Variants in IGFBP7 observed in about 807,000 individuals in gnomAD.
IGFBP7 encodes the protein insulin-like growth factor-binding protein 7.
IGFBP7 carries 31 observed loss-of-function variants against 29.4 expected under a neutral mutation model. That is an observed-to-expected ratio of 1.05 (90% CI 0.79 to 1.42). IGFBP7 has a LOEUF of 1.42. IGFBP7 is among the 40% of genes most tolerant of loss of function. The pLI is 0.00. For missense variants in IGFBP7, 393 were observed against 395.5 expected, an observed-to-expected ratio of 0.99 and a Z score of 0.05; for synonymous variants, 172 against 174.9, an observed-to-expected ratio of 0.98 and a Z score of 0.13.
At chr4:57,076,195 T>C (rs1725221666) in intron 1 of IGFBP7, among the ~76,000 whole-genome samples, 1 of 152,222 alleles carries the variant, frequency 6.6e-6, no homozygotes. Context: ...TCTCTTCTTA[T>C]AGCACACTAA....
In IGFBP7 at chr4:57,031,043, G is replaced by T. The variant is rs1723904768; in HGVS notation, c.*274C>A. On this transcript the variant is annotated 3_prime_UTR_variant, in exon 5 of 5. Transcript: ENST00000295666. ...AATATCTTGGTGTCTTGTTTCTATTGTGTGGCTTTTTAAAAATGACAAATA... is the reference window on the plus strand; with the variant it reads ...AATATCTTGGTGTCTTGTTTCTATTTTGTGGCTTTTTAAAAATGACAAATA... 9.0e-7 allele frequency: 1 copy of T among 1,115,264 alleles called. No individual in the cohort carries two copies. The highest frequency in any genetic ancestry group is 1.4e-6 in the Non-Finnish European group (1 of 727,770). 69.1% of individuals were successfully genotyped at this position (1,115,264 alleles called of 1,614,324 possible). A position where few individuals can be genotyped will look rare whatever the true frequency, so the allele number is the denominator to read the frequency against.
Position 57,110,119 on chromosome 4 carries a change from C to T in IGFBP7, c.233G>A (p.Arg78Lys), listed in dbSNP as rs866509353. The T allele has an allele frequency of 3.2e-5, 48 of 1,513,090 alleles. No individual in the cohort carries two copies. The highest frequency in any genetic ancestry group is 4.0e-5 in the Non-Finnish European group (45 of 1,137,658). 93.7% of individuals were successfully genotyped at this position (1,513,090 alleles called of 1,614,324 possible). ...CTCCATGCCCGGCGCGCAGTACCCC[C>T]TGCCGGCGCCGCCACCCCCGCACGG... ...GEPCGGGGAGRGYCAPGMECV... is the reference protein window; with the variant it reads ...GEPCGGGGAGKGYCAPGMECV... The change falls in exon 1 of 5, where the codon AGG becomes AAG. Residue 78 changes from arginine (R) to lysine (K), a missense_variant. Transcript: ENST00000295666.
chr4:57,059,102 C>G (rs1444164360), intron 1 of IGFBP7, among the ~76,000 whole-genome samples: 3 of 152,176 alleles, frequency 2.0e-5, no homozygotes, highest in Non-Finnish European at 2.9e-5. Context: ...ACAACAGATG[C>G]TGGCAAGGTT....
chr4:57,032,181 A>AT (rs1199357115), intron 4 of IGFBP7: 6 of 997,728 alleles, frequency 6.0e-6, no homozygotes, highest in Middle Eastern at 3.8e-4. Flanking sequence ...GGCAAGTTTG[A>AT]TTTTGACTCT....
At chr4:57,084,596 G>A (rs567639054) in intron 1 of IGFBP7, among the ~76,000 whole-genome samples, 2 of 152,106 alleles carry the variant, frequency 1.3e-5, no homozygotes, top group African/African-American at 2.4e-5. Context: ...CTCTGAACAC[G>A]TGCAGCAATT....
At chr4:57,046,219 C>T (rs535573693) in intron 1 of IGFBP7, among the ~76,000 whole-genome samples, 1 of 152,144 alleles carries the variant, frequency 6.6e-6, no homozygotes, top group South Asian at 2.1e-4. Flanking sequence ...CTGCACTCTC[C>T]TCCCCGACTC....
chr4:57,067,810 T>C (rs910333086), intron 1 of IGFBP7, among the ~76,000 whole-genome samples: 1 of 152,032 alleles, frequency 6.6e-6, no homozygotes, highest in Admixed American at 6.6e-5. Flanking sequence ...GAGTATTGTA[T>C]GGTCTCAAAA....
At chr4:57,103,177 G>A (rs1275824391) in intron 1 of IGFBP7, among the ~76,000 whole-genome samples, 5 of 152,124 alleles carry the variant, frequency 3.3e-5, no homozygotes, top group African/African-American at 1.2e-4. Context: ...ATCTGTTGTT[G>A]TGATTACAGT....
At chr4:57,104,694 C>G (rs1725980358) in intron 1 of IGFBP7, among the ~76,000 whole-genome samples, 2 of 152,106 alleles carry the variant, frequency 1.3e-5, no homozygotes, top group African/African-American at 4.8e-5. Flanking sequence ...ACTTACAGAA[C>G]AGTTTCTATA....
intron 1 of IGFBP7, among the ~76,000 whole-genome samples, chr4:57,082,937 CT>C (rs1180991756): frequency 6.6e-6 from 1 of 152,016 alleles, no homozygotes; most frequent in Non-Finnish European, 1.5e-5. Flanking sequence ...CTTAAACTGC[CT>C]TTTTTTCAGT....
intron 1 of IGFBP7, among the ~76,000 whole-genome samples, chr4:57,096,298 C>T (rs540904884): frequency 6.8e-6 from 1 of 146,268 alleles, no homozygotes; most frequent in Non-Finnish European, 1.5e-5. Context: ...TCTCAAAGTC[C>T]CCCGTTGCAA....
chr4:57,062,590 T>C (rs1283106204), intron 1 of IGFBP7, among the ~76,000 whole-genome samples: 1 of 152,198 alleles, frequency 6.6e-6, no homozygotes, highest in East Asian at 1.9e-4. Context: ...GTCCTACCCA[T>C]ATCTTAGAAT....
intron 1 of IGFBP7, among the ~76,000 whole-genome samples, chr4:57,052,299 C>T (rs114977456): frequency 8.3e-4 from 126 of 152,192 alleles, no homozygotes; most frequent in African/African-American, 2.7e-3. Context: ...AGGAGGCTGC[C>T]GCACCATGAA....
chr4:57,061,624 G>T (rs1724802958), intron 1 of IGFBP7, among the ~76,000 whole-genome samples: 1 of 152,086 alleles, frequency 6.6e-6, no homozygotes, highest in African/African-American at 2.4e-5. Context: ...AGCTGGATGG[G>T]GTGAGATTTC....
chr4:57,067,309 T>C (rs976584173), intron 1 of IGFBP7, among the ~76,000 whole-genome samples: 4 of 152,040 alleles, frequency 2.6e-5, no homozygotes, highest in Non-Finnish European at 5.9e-5. Context: ...CCTTAAACAG[T>C]GCATGGAAGA....
At chr4:57,089,545 T>G (rs947428662) in intron 1 of IGFBP7, among the ~76,000 whole-genome samples, 2 of 152,220 alleles carry the variant, frequency 1.3e-5, no homozygotes, top group African/African-American at 2.4e-5. Flanking sequence ...TATCATCTGA[T>G]TTCACACTTC....
At position 57,052,604 on chromosome 4, in the gene IGFBP7, C is replaced by T. The variant is rs951325646; in HGVS notation, c.476-11671G>A. The stretch of plus-strand genomic sequence containing the variant: ...GACCACCTGGCCCGTCCCCACCCCA[C>T]CCCAGGTAAAGCAGATAAGTGAATA... On this transcript the variant is annotated intron_variant, in intron 1 of 4. Coordinates refer to ENST00000295666, the MANE Select transcript of IGFBP7 (RefSeq NM_001553.3). Among the ~76,000 whole-genome samples, 10 of 152,114 alleles carry T rather than the reference C, an allele frequency of 6.6e-5. No homozygotes were observed. In the South Asian group the frequency reaches 8.3e-4, roughly 13 times the overall value.
chr4:57,080,538 T>C lies in IGFBP7; in HGVS notation c.475+29339A>G, dbSNP rs144600759. On this transcript the variant is annotated intron_variant, in intron 1 of 4. Transcript: ENST00000295666. ...AGGAAGATTTTGAGTGAAATTTATT[T>C]TATTTTTTGAGACAGGATCTCACTT... Among the ~76,000 whole-genome samples the C allele has an allele frequency of 3.1e-3, 473 of 152,250 alleles. 3 individuals carry two copies. The highest frequency in any genetic ancestry group is 9.9e-3 in the African/African-American group (411 of 41,556).
intron 1 of IGFBP7, among the ~76,000 whole-genome samples, chr4:57,092,604 A>G (rs1317694251): frequency 6.6e-6 from 1 of 151,754 alleles, no homozygotes; most frequent in African/African-American, 2.4e-5. Flanking sequence ...TTAGGAGATA[A>G]TGTGTCTGAA....
Sources: allele counts gnomAD v4.1 joint callset (sites outside exome capture counted in the v4.1 genomes callset), GRCh38; gene constraint gnomAD v4.1.1; transcripts MANE v1.5; gene names NCBI Gene and HGNC (gene_info 2026-07-23, HGNC 2026-07-21).